Variants in NUP98 observed in about 807,000 individuals in gnomAD.
NUP98 encodes the protein nucleoporin 98 and 96 precursor.
A neutral mutation model predicts 191.9 loss-of-function variants in NUP98; 26 were observed. The observed-to-expected ratio is 0.14, with a 90% confidence interval of 0.10 to 0.19. NUP98 has a LOEUF of 0.19. Ranked by LOEUF, NUP98 falls within the 10% of genes least tolerant of loss-of-function variation. NUP98 has a pLI of 1.00. For missense variants in NUP98, 1,941 were observed against 2,178.8 expected (o/e 0.89, Z 2.17); for synonymous variants, 808 against 778.4 (o/e 1.04, Z -0.63).
rs756612029 is a variant in NUP98, at chr11:3,720,832, C to CG, written c.2147-8_2147-7insC. The CG allele has an allele frequency of 3.2e-5, 12 of 376,194 alleles. No homozygotes were observed. The highest frequency in any genetic ancestry group is 2.7e-4 in the African/African-American group (9 of 32,840). The allele number at this position is 376,194 out of a possible 1,614,324, so 23.3% of individuals were successfully genotyped here. A position where few individuals can be genotyped will look rare whatever the true frequency, so the allele number is the denominator to read the frequency against. On this transcript the variant is annotated splice_polypyrimidine_tract_variant and splice_region_variant and intron_variant, in intron 16 of 32. Coordinates refer to ENST00000324932, the MANE Select transcript of NUP98 (RefSeq NM_016320.5). ...ACCTTAGTGAGAATAATACCTGTGA[C>CG]AAAAAAAAAAAAAAAAACAGAAAAA...
At chr11:3,733,318 CTTTT>C (rs1336543183) in intron 13 of NUP98, among the ~76,000 whole-genome samples, 5 of 152,050 alleles carry the variant, frequency 3.3e-5, no homozygotes, top group East Asian at 3.9e-4. Context: ...CGTTTTCTTT[CTTTT>C]TGTTTTGAGA....
chr11:3,737,032 T>C (rs745699013), intron 12 of NUP98, among the ~76,000 whole-genome samples: 16 of 152,140 alleles, frequency 1.1e-4, no homozygotes, highest in Non-Finnish European at 1.8e-4. Context: ...TGATCTACCA[T>C]TGTACCAAGT....
chr11:3,703,899 GCTGCTCT>G (rs1360002045), intron 22 of NUP98, among the ~76,000 whole-genome samples: 1 of 152,012 alleles, frequency 6.6e-6, no homozygotes, highest in African/African-American at 2.4e-5. Context: ...TGTTGCCCAG[GCTGCTCT>G]CCAAATCCTA....
chr11:3,721,324 T>A (rs1287978004), intron 16 of NUP98, among the ~76,000 whole-genome samples: 1 of 152,176 alleles, frequency 6.6e-6, no homozygotes, highest in Non-Finnish European at 1.5e-5. Flanking sequence ...CAAACCCAAT[T>A]CTTCTTGTTT....
At chr11:3,753,252 A>G in intron 11 of NUP98, 64 bp downstream of exon 11, 3 of 1,332,326 alleles carry the variant, frequency 2.3e-6, no homozygotes, top group Non-Finnish European at 3.2e-6. Flanking sequence ...CAGATCTCTC[A>G]AGTTCCAGAA....
In NUP98 at chr11:3,725,151, T is replaced by A; in HGVS notation, c.1799A>T (p.Asp600Val). 2 of 1,602,252 alleles carry A rather than the reference T, an allele frequency of 1.2e-6. No individual in the cohort carries two copies. Among genetic ancestry groups the A allele is most frequent in the Non-Finnish European group, 1.7e-6 (2 of 1,170,088 alleles). Residue 600 changes from aspartate to valine, a missense_variant, in exon 15 of 33, where the codon GAT becomes GTT. Physicochemically the swap from Asp to Val is radical, Grantham distance 152. This residue lies in a region of NUP98 where 453 missense variants were observed against 438.2 expected (regional missense o/e 1.03). Coordinates refer to ENST00000324932, the MANE Select transcript of NUP98 (RefSeq NM_016320.5). ...NSNLFSPVNR[D>V]SENLASPSEY... Reference sequence around the variant, plus strand: ...AGATGGTGAAGCTAGATTTTCTGAATCACGATTAACAGGAGAAAAGAGATT... The same window carrying A: ...AGATGGTGAAGCTAGATTTTCTGAAACACGATTAACAGGAGAAAAGAGATT...
At chr11:3,786,745 A>G (rs1381246811) in intron 1 of NUP98, among the ~76,000 whole-genome samples, 1 of 152,230 alleles carries the variant, frequency 6.6e-6, no homozygotes, top group Non-Finnish European at 1.5e-5. Context: ...GTACAATGAC[A>G]AAACTTAGTT....
At chr11:3,762,815 C>G in intron 9 of NUP98, 87 bp downstream of exon 9, 1 of 1,424,972 alleles carries the variant, frequency 7.0e-7, no homozygotes, top group Non-Finnish European at 9.6e-7. Context: ...AATAAAAATA[C>G]CTGCAAAACA....
chr11:3,744,702 G>T, intron 11 of NUP98, 53 bp from the exon 12 acceptor site: 1 of 1,554,078 alleles, frequency 6.4e-7, no homozygotes, highest in Non-Finnish European at 8.7e-7. Context: ...TTTCAATGTT[G>T]TGCCAGAGGT....
intron 1 of NUP98, among the ~76,000 whole-genome samples, chr11:3,789,275 G>A (rs1311872053): frequency 6.6e-6 from 1 of 152,080 alleles, no homozygotes; most frequent in Non-Finnish European, 1.5e-5. Flanking sequence ...TTGGTTCAAT[G>A]GCTAGCTAGA....
At chr11:3,782,278 T>A in intron 1 of NUP98, 133 bp from the exon 2 acceptor site, 1 of 511,078 alleles carries the variant, frequency 2.0e-6, no homozygotes, top group Non-Finnish European at 3.5e-6. Flanking sequence ...ATCCTCAAAC[T>A]GTATGATAAA....
rs749987960 is a variant in NUP98 at position 3,699,149 on chromosome 11, C to G, written c.3942G>C (p.Val1314=). 15 of 1,613,902 alleles carry G rather than the reference C, an allele frequency of 9.3e-6. No homozygotes were observed. The highest frequency in any genetic ancestry group is 1.3e-5 in the Non-Finnish European group (15 of 1,180,002). ...CTGTGAGGTAGCTGAATACAGCCTC[C>G]ACAGGGCTGTTTTTTTGGGTTAAGG... The part of the protein sequence containing the change: ...EVSLTQKNSP[V]EAVFSYLTGK... Residue 1314 remains valine, a synonymous_variant, in exon 25 of 33, where the codon GTG becomes GTC. Coordinates refer to ENST00000324932, the MANE Select transcript of NUP98 (RefSeq NM_016320.5).
chr11:3,690,460 C>T (rs1278810484), intron 28 of NUP98, among the ~76,000 whole-genome samples: 1 of 151,760 alleles, frequency 6.6e-6, no homozygotes, highest in East Asian at 1.9e-4. Context: ...CAGGGTTTCA[C>T]TGTGTTAGCC....
chr11:3,683,437 G>A lies in NUP98; in HGVS notation c.4681C>T (p.Arg1561Cys), dbSNP rs2078035888. ...AGCAGCTCTCGAACAGCCTTCTCAC[G>A]TATGCTACAGGGAGAGATAAGCTAG... ...VLLHIDNSGI[R>C]EKAVRELLTR... The change falls in exon 30 of 33, where the codon CGT becomes TGT. Residue 1561 changes from arginine (R) to cysteine (C), a missense_variant. Arg to Cys is a radical substitution (Grantham distance 180, BLOSUM62 -3). Around this residue, in one of 6 missense-constraint regions of NUP98, gnomAD observed 1,030 missense variants for 1,115.8 expected, o/e 0.92. Coordinates refer to ENST00000324932, the MANE Select transcript of NUP98 (RefSeq NM_016320.5). 1.2e-6 allele frequency: 2 copies of A among 1,614,046 alleles called. No individual in the cohort carries two copies. Among genetic ancestry groups the A allele is most frequent in the East Asian group, 2.2e-5 (1 of 44,878 alleles).
chr11:3,682,132 C>T (rs576372829), intron 30 of NUP98, among the ~76,000 whole-genome samples: 1 of 152,194 alleles, frequency 6.6e-6, no homozygotes, highest in South Asian at 2.1e-4. Flanking sequence ...CCTCTCTCAG[C>T]CTTCACAGAA....
chr11:3,785,416 A>C (rs1230470718), intron 1 of NUP98, among the ~76,000 whole-genome samples: 1 of 152,150 alleles, frequency 6.6e-6, no homozygotes, highest in Non-Finnish European at 1.5e-5. Context: ...TCAGTTTGTG[A>C]CTACTGACAT....
chr11:3,796,575 T>C (rs78285343), intron 1 of NUP98, among the ~76,000 whole-genome samples: 1,600 of 152,354 alleles, frequency 0.011, 13 homozygotes, highest in African/African-American at 0.036. Context: ...GAAAACGCTG[T>C]GAAGACTACA....
At chr11:3,695,837 G>C (rs1412269335) in intron 25 of NUP98, among the ~76,000 whole-genome samples, 1 of 152,034 alleles carries the variant, frequency 6.6e-6, no homozygotes, top group Non-Finnish European at 1.5e-5. Flanking sequence ...ATAGCATATA[G>C]ACATCAACAA....
In NUP98 at chr11:3,700,684, T is replaced by C. The variant is rs757031627; in HGVS notation, c.3668A>G (p.Asn1223Ser). 53 of 1,614,088 alleles carry C rather than the reference T, an allele frequency of 3.3e-5. No individual in the cohort carries two copies. Among genetic ancestry groups the C allele is most frequent in the Admixed American group, 6.7e-5 (4 of 59,988 alleles). Reference protein sequence around the residue: ...VDELCPLIVPNLGVAVIHDYA... With the variant: ...VDELCPLIVPSLGVAVIHDYA... ...GTCATGAATGACAGCAACTCCCAGA[T>C]TGGGGACAATGAGAGGACACAGTTC... Residue 1223 changes from asparagine (N) to serine (S), a missense_variant, in exon 24 of 33, where the codon AAT (asparagine) becomes AGT (serine). Asn to Ser is a conservative substitution (Grantham distance 46). Coordinates refer to ENST00000324932, the MANE Select transcript of NUP98 (RefSeq NM_016320.5).
Sources: gnomAD v4.1 joint callset for allele counts (sites outside exome capture counted in the v4.1 genomes callset) on GRCh38, gnomAD v4.1.1 for gene constraint, gnomAD v4.1.1 regional missense constraint, MANE v1.5 for transcripts, NCBI Gene and HGNC (gene_info 2026-07-23, HGNC 2026-07-21) for gene names.